KLRD1: variants seen among roughly 807,000 people sequenced by gnomAD.
The protein encoded by KLRD1 is natural killer cells antigen CD94.
Under a neutral mutation model 22.6 loss-of-function variants are expected in KLRD1, and 21 were observed. That is an observed-to-expected ratio of 0.93 (90% CI 0.66 to 1.34). KLRD1 has a LOEUF of 1.34. KLRD1 is among the 40% of genes most tolerant of loss of function. The probability of loss-of-function intolerance (pLI) is 0.00; values close to 1 mark genes in which losing one functional copy is unlikely to be tolerated. For synonymous variants in KLRD1, 59 were observed against 71.1 expected (o/e 0.83, Z 0.85); for missense variants, 183 against 208.6 (o/e 0.88, Z 0.76).
At chr12:10,265,888 T>A (rs1196955132) in intron 1 of KLRD1, among the ~76,000 whole-genome samples, 2 of 152,242 alleles carry the variant, frequency 1.3e-5, no homozygotes, top group Non-Finnish European at 2.9e-5. Flanking sequence ...ATTTTCTCCT[T>A]TAAACAAGTA....
rs758260304 is a variant in KLRD1, at chr12:10,316,117, C to CAAAAAAAAAAAAAA, written c.*1333_*1346dup. The CAAAAAAAAAAAAAA allele has an allele frequency of 3.0e-5, 2 of 66,046 alleles. No homozygotes were observed. Among genetic ancestry groups the CAAAAAAAAAAAAAA allele is most frequent in the African/African-American group, 5.8e-5 (1 of 17,118 alleles). 4.1% of individuals were successfully genotyped at this position (66,046 alleles called of 1,614,324 possible). A position where few individuals can be genotyped will look rare whatever the true frequency, so the allele number is the denominator to read the frequency against. ...TGGGTGACAGAGCCAGACTCCTCTC[C>CAAAAAAAAAAAAAA]AAAAAAAAAAAAAAAAAAAAAAGAT... On this transcript the variant is annotated 3_prime_UTR_variant, in exon 6 of 6. Transcript: ENST00000336164.
intron 1 of KLRD1, among the ~76,000 whole-genome samples, chr12:10,277,993 T>C (rs1949607059): frequency 6.6e-6 from 1 of 152,212 alleles, no homozygotes; most frequent in Non-Finnish European, 1.5e-5. Flanking sequence ...TTTATCGTTA[T>C]TCTGGACATG....
At position 10,318,198 on chromosome 12, in the gene KLRD1, G is replaced by T. The variant is rs947082111; in HGVS notation, c.*3405G>T. ...TTTGCTTATTTCCAGAGATGCCTAG[G>T]TGTCTGTTTTTGACTCTTGGCCATG... On this transcript the variant is annotated 3_prime_UTR_variant, in exon 6 of 6. Transcript: ENST00000336164. 2.6e-5 allele frequency: 4 copies of T among 152,170 alleles called. No homozygotes were observed. Among genetic ancestry groups the T allele is most frequent in the African/African-American group, 9.7e-5 (4 of 41,438 alleles). 9.4% of individuals were successfully genotyped at this position (152,170 alleles called of 1,614,324 possible). A position where few individuals can be genotyped will look rare whatever the true frequency, so the allele number is the denominator to read the frequency against.
chr12:10,256,425 GTTTTTT>G (rs139328118), intron 1 of KLRD1, among the ~76,000 whole-genome samples: 10 of 131,070 alleles, frequency 7.6e-5, no homozygotes, highest in East Asian at 2.2e-4. Flanking sequence ...GTGATTAGCT[GTTTTTT>G]TTTTTTTTTT....
chr12:10,311,629 C>G lies in KLRD1; in HGVS notation c.315+14C>G. ...ACAGATGAACTGGCATGTGCTGAGTCTGATTTTCTACATTTTCTTTGATCT... is the reference window on the plus strand; with the variant it reads ...ACAGATGAACTGGCATGTGCTGAGTGTGATTTTCTACATTTTCTTTGATCT... On this transcript the variant is annotated intron_variant, in intron 4 of 5. Transcript: ENST00000336164. The G allele has an allele frequency of 6.2e-7, 1 of 1,610,224 alleles. No individual in the cohort carries two copies. Among genetic ancestry groups the G allele is most frequent in the Admixed American group, 1.7e-5 (1 of 59,528 alleles).
At chr12:10,313,582 T>G (rs539201654) in intron 5 of KLRD1, 69 bp downstream of exon 5, 6 of 849,226 alleles carry the variant, frequency 7.1e-6, no homozygotes. Context: ...CTAGTAAAGG[T>G]AACATCCAGG....
intron 1 of KLRD1, among the ~76,000 whole-genome samples, chr12:10,251,051 A>G (rs10845092): frequency 0.96 from 146,202 of 152,234 alleles, 70,485 homozygotes; most frequent in East Asian, 1. Context: ...ATGTTGCCTC[A>G]CTAGCATTAA....
In KLRD1 at chr12:10,270,283, G is replaced by T. The variant is rs75024079; in HGVS notation, c.-100-37695G>T. 3.9e-3 allele frequency among the ~76,000 whole-genome samples: 596 copies of T among 152,008 alleles called. 19 individuals are homozygous for T. The East Asian group carries it at 0.068, about 17-fold the overall frequency. On this transcript the variant is annotated intron_variant, in intron 1 of 5. Transcript: ENST00000544747. ...GAAAAATATCTTGATGAAAACCTTA[G>T]AACCAAATTTAAAGGCTATTTAAAA...
At chr12:10,310,261 A>G (rs1950029365) in intron 3 of KLRD1, among the ~76,000 whole-genome samples, 1 of 152,120 alleles carries the variant, frequency 6.6e-6, no homozygotes, top group Non-Finnish European at 1.5e-5. Context: ...CTGGGACTAC[A>G]GGCGCCCGCC....
At chr12:10,286,867 A>C in intron 1 of KLRD1, among the ~76,000 whole-genome samples, 1 of 151,980 alleles carries the variant, frequency 6.6e-6, no homozygotes, top group East Asian at 1.9e-4. Context: ...CACCAGGTGC[A>C]GTGGCTCACA....
intron 1 of KLRD1, among the ~76,000 whole-genome samples, chr12:10,289,814 T>C (rs1027498973): frequency 7.2e-5 from 11 of 152,246 alleles, no homozygotes; most frequent in African/African-American, 2.2e-4. Flanking sequence ...GTTTCATTCT[T>C]GTTGCCCAGG....
rs1592081480 is a variant in KLRD1 at position 10,307,977 on chromosome 12, G to C, written c.-101G>C. 9.4e-7 allele frequency: 1 copy of C among 1,066,160 alleles called. No homozygotes were observed. The highest frequency in any genetic ancestry group is 2.4e-5 in the East Asian group (1 of 42,164). The allele number at this position is 1,066,160 out of a possible 1,614,324, so 66.0% of individuals were successfully genotyped here. On this transcript the variant is annotated 5_prime_UTR_variant, in exon 1 of 6. Transcript: ENST00000336164. Reference sequence around the variant, plus strand: ...TAAATTTCTTCATACTCAACTTTCAGATTCTTTAATCTCCAGCTCAGCTTC... The same window carrying C: ...TAAATTTCTTCATACTCAACTTTCACATTCTTTAATCTCCAGCTCAGCTTC...
At chr12:10,291,732 A>G (rs935517084) in intron 1 of KLRD1, among the ~76,000 whole-genome samples, 1 of 151,636 alleles carries the variant, frequency 6.6e-6, no homozygotes, top group African/African-American at 2.4e-5. Context: ...CTATCAACCC[A>G]TCGTCTAGGT....
At chr12:10,259,308 T>G (rs995714135) in intron 1 of KLRD1, among the ~76,000 whole-genome samples, 2 of 152,216 alleles carry the variant, frequency 1.3e-5, no homozygotes, top group Non-Finnish European at 2.9e-5. Flanking sequence ...TAAGATGCAT[T>G]CCTCCATCAT....
At chr12:10,248,433 T>C (rs1183541760) in intron 1 of KLRD1, among the ~76,000 whole-genome samples, 1 of 152,072 alleles carries the variant, frequency 6.6e-6, no homozygotes, top group Non-Finnish European at 1.5e-5. Flanking sequence ...ATGATAAGTA[T>C]GTTTTGTCTG....
intron 1 of KLRD1, among the ~76,000 whole-genome samples, chr12:10,276,497 A>G (rs1949593179): frequency 6.6e-6 from 1 of 152,022 alleles, no homozygotes; most frequent in Admixed American, 6.6e-5. Context: ...TAACAACAAA[A>G]TATCTTGGTA....
chr12:10,286,661 G>GTTTTTTTTTTTTT (rs1565459881), intron 1 of KLRD1, among the ~76,000 whole-genome samples: 1 of 49,318 alleles, frequency 2.0e-5, no homozygotes, highest in East Asian at 6.1e-4. Context: ...CGCTTATGGT[G>GTTTTTTTTTTTTT]CTTTTTTTTT....
chr12:10,255,555 A>T (rs2137624574), intron 1 of KLRD1, among the ~76,000 whole-genome samples: 1 of 152,192 alleles, frequency 6.6e-6, no homozygotes, highest in South Asian at 2.1e-4. Flanking sequence ...TAGCTTTAAG[A>T]TATTTTCTAA....
At chr12:10,273,891 T>A (rs993228783) in intron 1 of KLRD1, among the ~76,000 whole-genome samples, 2 of 152,162 alleles carry the variant, frequency 1.3e-5, no homozygotes, top group Admixed American at 6.6e-5. Context: ...CATAAATTTA[T>A]GTAAATTATA....
Sources: gnomAD v4.1 joint callset for allele counts (sites outside exome capture counted in the v4.1 genomes callset) on GRCh38, gnomAD v4.1.1 for gene constraint, MANE v1.5 for transcripts, NCBI Gene and HGNC (gene_info 2026-07-23, HGNC 2026-07-21) for gene names.